The following FLI1 variants were observed in gnomAD, a reference collection of about 807,000 sequenced individuals.
The protein encoded by FLI1 is Fli-1 proto-oncogene, ETS transcription factor.
Under a neutral mutation model 53.1 loss-of-function variants are expected in FLI1, and 13 were observed. The ratio of observed to expected loss-of-function variants is 0.24; its 90% CI spans 0.16 to 0.39. FLI1 has a LOEUF of 0.39. Ranked by LOEUF, FLI1 falls within the 10% of genes least tolerant of loss-of-function variation. The pLI is 1.00. For synonymous variants in FLI1, 244 were observed against 236.7 expected (o/e 1.03, Z -0.28); for missense variants, 424 against 600.5 (o/e 0.71, Z 3.07).
chr11:128,782,876 G>A (rs939620581), intron 5 of FLI1, among the ~76,000 whole-genome samples: 2 of 152,188 alleles, frequency 1.3e-5, no homozygotes, highest in African/African-American at 4.8e-5. Flanking sequence ...GTGAGGAGTG[G>A]TTCAGATACT....
At chr11:128,763,999 C>T (rs181767648) in intron 2 of FLI1, among the ~76,000 whole-genome samples, 51 of 152,254 alleles carry the variant, frequency 3.3e-4, no homozygotes, top group Admixed American at 1.2e-3. Flanking sequence ...AGTTACACGC[C>T]GCGGGTCCTA....
At chr11:128,686,587 C>A in exon 1 of FLI1, 1 of 411,646 alleles carries the variant, frequency 2.4e-6, no homozygotes, top group Non-Finnish European at 5.0e-6. Context: ...GTCTCTCCCT[C>A]GCTCCACTCG....
At chr11:128,695,021 G>C (rs1418045353) in intron 1 of FLI1, among the ~76,000 whole-genome samples, 1 of 150,584 alleles carries the variant, frequency 6.6e-6, no homozygotes, top group African/African-American at 2.5e-5. Context: ...CGCCCTTCGC[G>C]CCTAGGCGTG....
chr11:128,784,220 T>C (rs1942012759), intron 5 of FLI1, among the ~76,000 whole-genome samples: 1 of 117,924 alleles, frequency 8.5e-6, no homozygotes, highest in African/African-American at 3.1e-5. Flanking sequence ...TTGCTAACCA[T>C]CTCCTCCTCC....
At chr11:128,800,298 A>G (rs1304943848) in intron 5 of FLI1, among the ~76,000 whole-genome samples, 1 of 152,180 alleles carries the variant, frequency 6.6e-6, no homozygotes, top group East Asian at 1.9e-4. Flanking sequence ...AAATTCAATG[A>G]GAAGTTTCAG....
At chr11:128,781,258 C>T (rs1360834705) in intron 4 of FLI1, among the ~76,000 whole-genome samples, 1 of 152,194 alleles carries the variant, frequency 6.6e-6, no homozygotes, top group Admixed American at 6.5e-5. Context: ...TTGCCCCCTC[C>T]ACCAGTAACA....
intron 1 of FLI1, among the ~76,000 whole-genome samples, chr11:128,708,893 T>C (rs1938668170): frequency 6.6e-6 from 1 of 152,228 alleles, no homozygotes; most frequent in Non-Finnish European, 1.5e-5. Flanking sequence ...AGTTACCAAA[T>C]GTGACTTCAT....
chr11:128,771,658 A>G (rs951254022), intron 3 of FLI1, among the ~76,000 whole-genome samples: 1 of 152,228 alleles, frequency 6.6e-6, no homozygotes, highest in Non-Finnish European at 1.5e-5. Context: ...AAACAGGCTC[A>G]TTAGAAGCCG....
chr11:128,757,052 CTTTCTTTCTT>C (rs1565484256), intron 1 of FLI1, among the ~76,000 whole-genome samples: 8 of 93,404 alleles, frequency 8.6e-5, no homozygotes, highest in African/African-American at 3.2e-4. Context: ...TTTTTTCTTT[CTTTCTTTCTT>C]TCTTTCTTTC....
In FLI1 at chr11:128,810,940, C is replaced by G. The variant is rs749926274; in HGVS notation, c.1311C>G (p.Pro437=). The change falls in exon 9 of 9, where the codon CCC becomes CCG. Residue 437 remains proline, a synonymous_variant. Coordinates refer to ENST00000527786, the MANE Select transcript of FLI1 (RefSeq NM_002017.5). The surrounding 1 kb of genome is among the most constrained non-coding windows in gnomAD (Gnocchi z 6.6). The part of the protein sequence containing the change: ...TGGIYPNPNV[P]RHPNTHVPSH... ...GAATCTACCCCAACCCCAACGTCCC[C>G]CGCCATCCTAACACCCACGTGCCTT... 6 of 1,613,926 alleles carry G rather than the reference C, an allele frequency of 3.7e-6. No individual in the cohort carries two copies. The African/African-American group carries it at 8.0e-5, about 22-fold the overall frequency.
upstream of FLI1, chr11:128,686,314 G>A: frequency 2.2e-6 from 1 of 456,104 alleles, no homozygotes. Context: ...TCCCCAGTTC[G>A]AAACTGCCCA....
At chr11:128,768,513 T>G in intron 3 of FLI1, 1 of 366,868 alleles carries the variant, frequency 2.7e-6, no homozygotes. Context: ...ACCTCATCTC[T>G]ACTAAAAAAA....
chr11:128,775,650 A>C (rs902240414), intron 4 of FLI1, among the ~76,000 whole-genome samples: 2 of 152,002 alleles, frequency 1.3e-5, no homozygotes, highest in Non-Finnish European at 2.9e-5. Context: ...GCCTTCAAAC[A>C]CTTTATTGTT....
At chr11:128,798,271 A>G (rs1379082267) in intron 5 of FLI1, among the ~76,000 whole-genome samples, 3 of 152,212 alleles carry the variant, frequency 2.0e-5, no homozygotes, top group Non-Finnish European at 2.9e-5. Flanking sequence ...GCTATTCCAC[A>G]TGAGGCTGGC....
At chr11:128,798,197 T>C (rs2268611) in intron 5 of FLI1, among the ~76,000 whole-genome samples, 10,568 of 152,296 alleles carry the variant, frequency 0.069, 566 homozygotes, top group East Asian at 0.26. Context: ...TTTAGTTGCG[T>C]CTACATGACC....
chr11:128,788,315 A>C (rs1942161833), intron 5 of FLI1, among the ~76,000 whole-genome samples: 1 of 151,936 alleles, frequency 6.6e-6, no homozygotes. Flanking sequence ...ACTAAAAATA[A>C]AAAATTAGTC....
At chr11:128,690,719 C>A (rs866492933), upstream of FLI1, among the ~76,000 whole-genome samples, 45 of 152,218 alleles carry the variant, frequency 3.0e-4, no homozygotes, top group African/African-American at 1.0e-3. Context: ...TAAGTGACCC[C>A]AGACTTGGAA....
upstream of FLI1, among the ~76,000 whole-genome samples, chr11:128,685,669 T>G (rs1483243318): frequency 1.6e-5 from 2 of 128,936 alleles, no homozygotes; most frequent in Non-Finnish European, 3.1e-5. Flanking sequence ...ATATACCTTG[T>G]CCCTGCACTA....
At chr11:128,790,807 CAAT>C (rs1942248846) in intron 5 of FLI1, among the ~76,000 whole-genome samples, 1 of 152,182 alleles carries the variant, frequency 6.6e-6, no homozygotes, top group Non-Finnish European at 1.5e-5. Flanking sequence ...ACACAAACAA[CAAT>C]ATCTCCCAAT....
Sources: allele counts gnomAD v4.1 joint callset (sites outside exome capture counted in the v4.1 genomes callset), GRCh38; gene constraint gnomAD v4.1.1; non-coding constraint Gnocchi (gnomAD v3.1); transcripts MANE v1.5; gene names NCBI Gene and HGNC (gene_info 2026-07-23, HGNC 2026-07-21).